Variants in RERE observed in about 807,000 individuals in gnomAD.
RERE encodes arginine-glutamic acid dipeptide repeats protein.
Under a neutral mutation model 146.1 loss-of-function variants are expected in RERE, and 40 were observed. The observed-to-expected ratio is 0.27, with a 90% confidence interval of 0.21 to 0.36. The LOEUF is 0.36. Ranked by LOEUF, RERE falls within the 10% of genes least tolerant of loss-of-function variation. RERE has a pLI of 1.00. For synonymous variants in RERE, 1,003 were observed against 866.0 expected (o/e 1.16, Z -2.78); for missense variants, 1,933 against 2,138.7 (o/e 0.90, Z 1.90).
chr1:8,717,522 C>G (rs1639787451), intron 1 of RERE, among the ~76,000 whole-genome samples: 1 of 152,116 alleles, frequency 6.6e-6, no homozygotes, highest in South Asian at 2.1e-4. Context: ...ACTAAATGCA[C>G]CAAGTGGCAA....
intron 12 of RERE, among the ~76,000 whole-genome samples, chr1:8,400,419 T>C (rs1643210520): frequency 6.6e-6 from 1 of 152,068 alleles, no homozygotes; most frequent in African/African-American, 2.4e-5. Context: ...GGCCGGCTAA[T>C]ATTTTTATTT....
intron 4 of RERE, among the ~76,000 whole-genome samples, chr1:8,591,665 C>T (rs1646495773): frequency 6.6e-6 from 1 of 152,190 alleles, no homozygotes; most frequent in African/African-American, 2.4e-5. Context: ...CTAGTTTCTA[C>T]ACCTAGAATC....
intron 1 of RERE, among the ~76,000 whole-genome samples, chr1:8,663,996 C>G (rs973829167): frequency 6.6e-6 from 1 of 152,164 alleles, no homozygotes; most frequent in South Asian, 2.1e-4. Flanking sequence ...TCTTTGCCCC[C>G]CAATCCTGCC....
chr1:8,733,707 T>G (rs556652212), intron 1 of RERE, among the ~76,000 whole-genome samples: 1 of 152,352 alleles, frequency 6.6e-6, no homozygotes, highest in South Asian at 2.1e-4. Context: ...CTCAAGCCAC[T>G]CCTAAATTCC....
chr1:8,589,848 G>T (rs1393385383), intron 4 of RERE, among the ~76,000 whole-genome samples: 3 of 152,190 alleles, frequency 2.0e-5, no homozygotes, highest in Non-Finnish European at 4.4e-5. Flanking sequence ...CACAGAAACT[G>T]GTTCCGACCA....
chr1:8,525,669 A>G (rs543258588), intron 7 of RERE: 31 of 1,346,612 alleles, frequency 2.3e-5, no homozygotes, highest in Non-Finnish European at 3.1e-5. Context: ...TGCACTATGA[A>G]TGATGAAATG....
chr1:8,595,048 C>T (rs1045363304), intron 4 of RERE, among the ~76,000 whole-genome samples: 2 of 151,610 alleles, frequency 1.3e-5, no homozygotes, highest in African/African-American at 4.8e-5. Flanking sequence ...GTGGTCCCAG[C>T]TACTCAAAAG....
intron 1 of RERE, among the ~76,000 whole-genome samples, chr1:8,660,325 C>A (rs1053350959): frequency 6.6e-6 from 1 of 152,162 alleles, no homozygotes; most frequent in African/African-American, 2.4e-5. Flanking sequence ...CAGAGAGGAA[C>A]CAGATGGCAC....
intron 1 of RERE, among the ~76,000 whole-genome samples, chr1:8,763,236 G>A (rs997455115): frequency 3.9e-5 from 6 of 152,074 alleles, no homozygotes; most frequent in African/African-American, 1.2e-4. Flanking sequence ...TCACTTCTCA[G>A]TTCAGAAATA....
At chr1:8,588,460 T>C (rs1646454130) in intron 4 of RERE, among the ~76,000 whole-genome samples, 1 of 152,138 alleles carries the variant, frequency 6.6e-6, no homozygotes, top group Admixed American at 6.5e-5. Flanking sequence ...TCTCTCTGGG[T>C]GGCCATGCTT....
rs74384925 is a variant in RERE, at chr1:8,693,813, T to C, written c.-144-37372A>G. Among the ~76,000 whole-genome samples, 10 of 152,212 alleles carry C rather than the reference T, an allele frequency of 6.6e-5. No homozygotes were observed. The East Asian group carries it at 1.9e-3, about 29-fold the overall frequency. On this transcript the variant is annotated intron_variant, in intron 1 of 22. Transcript: ENST00000400908. ...AATGTACCAAACTAATTCAAGATGT[T>C]AATAGGGGAAACTGGGAGTTAGGGG...
In RERE at chr1:8,668,462, G is replaced by A. The variant is rs757766139; in HGVS notation, c.-144-12021C>T. Among the ~76,000 whole-genome samples, 5 of 152,186 alleles carry A rather than the reference G, an allele frequency of 3.3e-5. No individual in the cohort carries two copies. In the East Asian group the frequency reaches 5.8e-4, roughly 18 times the overall value. On this transcript the variant is annotated intron_variant, in intron 1 of 22. Coordinates refer to ENST00000400908, the MANE Select transcript of RERE (RefSeq NM_001042681.2). ...ATGCCAAGGGCAAGGGAAGCCAAATGCCGATGAAACCAAATCCCTGATCTT... is the reference window on the plus strand; with the variant it reads ...ATGCCAAGGGCAAGGGAAGCCAAATACCGATGAAACCAAATCCCTGATCTT...
rs757663937 is a variant in RERE at position 8,364,698 on chromosome 1, A to C, written c.1540+48T>G. ...ATGCATGAAATGTTCAGAACATGGA[A>C]GTGCTTGTGCCCCCGCCCCGCCCCA... is the stretch of plus-strand genomic sequence containing the variant. On this transcript the variant is annotated intron_variant, in intron 14 of 22. Transcript: ENST00000400908. This position sits in a 1 kb window ranked among gnomAD's most constrained non-coding sequence, Gnocchi z 5.1. 7.4e-7 allele frequency: 1 copy of C among 1,350,166 alleles called. No homozygotes were observed. The highest frequency in any genetic ancestry group is 2.3e-5 in the East Asian group (1 of 43,668). The allele number at this position is 1,350,166 out of a possible 1,614,324, so 83.6% of individuals were successfully genotyped here. A position where few individuals can be genotyped will look rare whatever the true frequency, so the allele number is the denominator to read the frequency against.
intron 12 of RERE, among the ~76,000 whole-genome samples, chr1:8,417,843 C>T (rs1344702540): frequency 6.6e-6 from 1 of 152,214 alleles, no homozygotes; most frequent in Non-Finnish European, 1.5e-5. Flanking sequence ...TGCTCATGTA[C>T]TTGCTGGGCA....
At chr1:8,650,133 A>G (rs1385017477) in intron 2 of RERE, among the ~76,000 whole-genome samples, 2 of 152,232 alleles carry the variant, frequency 1.3e-5, no homozygotes, top group Non-Finnish European at 2.9e-5. Context: ...GTAATCCCAG[A>G]GTTTAGCAGC....
intron 7 of RERE, among the ~76,000 whole-genome samples, chr1:8,532,362 G>A (rs1645666384): frequency 6.8e-6 from 1 of 146,958 alleles, no homozygotes; most frequent in Non-Finnish European, 1.5e-5. Context: ...CTGGAACACT[G>A]GTAGAATTCA....
chr1:8,454,836 A>C (rs973054166), intron 11 of RERE, among the ~76,000 whole-genome samples: 8 of 149,862 alleles, frequency 5.3e-5, no homozygotes, highest in Non-Finnish European at 8.9e-5. Context: ...ACAAAAAAAA[A>C]CCCCCACAAA....
intron 1 of RERE, among the ~76,000 whole-genome samples, chr1:8,677,493 A>C (rs918446095): frequency 2.6e-5 from 4 of 151,878 alleles, no homozygotes; most frequent in Non-Finnish European, 5.9e-5. Context: ...CTTCCAACCC[A>C]TGCCATGCCA....
chr1:8,602,268 G>C (rs531863749), intron 4 of RERE, among the ~76,000 whole-genome samples: 1 of 151,930 alleles, frequency 6.6e-6, no homozygotes, highest in Non-Finnish European at 1.5e-5. Context: ...GCGGGCGCCT[G>C]TAGTCCCAGC....
Sources: allele counts gnomAD v4.1 joint callset (sites outside exome capture counted in the v4.1 genomes callset), GRCh38; gene constraint gnomAD v4.1.1; non-coding constraint Gnocchi (gnomAD v3.1); transcripts MANE v1.5; gene names NCBI Gene and HGNC (gene_info 2026-07-23, HGNC 2026-07-21).